XNDC1N: variants seen among roughly 807,000 people sequenced by gnomAD.
XNDC1N encodes protein XNDC1N.
the XNDC1N span, chr11:71,878,514 A>G: frequency 6.2e-7 from 1 of 1,609,902 alleles, no homozygotes; most frequent in Non-Finnish European, 8.5e-7. Context: ...CCTCCAAGTA[A>G]GGCAGAAACT....
chr11:71,900,782 C>T, the XNDC1N span, among the ~76,000 whole-genome samples: 6 of 152,264 alleles, frequency 3.9e-5, no homozygotes, highest in Admixed American at 2.0e-4. Context: ...ATTTCATCTG[C>T]GTAGTCTCCA....
At chr11:71,923,228 C>T in the XNDC1N span, 3 of 697,312 alleles carry the variant, frequency 4.3e-6, no homozygotes, top group South Asian at 3.0e-5. Context: ...TGGGAGTTTC[C>T]TGAAAGTGGA....
chr11:71,884,687 T>A, the XNDC1N span: 1 of 1,284,288 alleles, frequency 7.8e-7, no homozygotes, highest in East Asian at 2.5e-5. Context: ...CAGGTGAAAA[T>A]GAATATAAAT....
chr11:71,922,992 T>G, the XNDC1N span, among the ~76,000 whole-genome samples: 1 of 152,240 alleles, frequency 6.6e-6, no homozygotes, highest in Non-Finnish European at 1.5e-5. Flanking sequence ...CTGTTCTAAA[T>G]GATAGAATGA....
the XNDC1N span, among the ~76,000 whole-genome samples, chr11:71,901,462 A>C: frequency 6.6e-6 from 1 of 151,882 alleles, no homozygotes; most frequent in South Asian, 2.1e-4. Context: ...AGCCAGCCGT[A>C]GTGGCGGGCG....
the XNDC1N span, among the ~76,000 whole-genome samples, chr11:71,905,424 C>T: frequency 2.0e-5 from 3 of 151,828 alleles, no homozygotes; most frequent in African/African-American, 4.8e-5. Flanking sequence ...TAACACCCCC[C>T]CTAGAATATT....
At chr11:71,886,196 C>A in the XNDC1N span, among the ~76,000 whole-genome samples, 1 of 152,068 alleles carries the variant, frequency 6.6e-6, no homozygotes, top group Non-Finnish European at 1.5e-5. Flanking sequence ...AAAAACAATA[C>A]ACCGTCCTAT....
At chr11:71,921,878 C>T in the XNDC1N span, among the ~76,000 whole-genome samples, 1 of 152,064 alleles carries the variant, frequency 6.6e-6, no homozygotes. Context: ...GTCTATGAAG[C>T]AGTTGGGCAT....
chr11:71,903,469 A>G, the XNDC1N span: 2 of 823,928 alleles, frequency 2.4e-6, no homozygotes, highest in African/African-American at 3.4e-5. Context: ...GTCATCTCCT[A>G]TGCAGGCTGC....
the XNDC1N span, among the ~76,000 whole-genome samples, chr11:71,912,705 A>T: frequency 6.6e-6 from 1 of 152,130 alleles, no homozygotes; most frequent in Non-Finnish European, 1.5e-5. Flanking sequence ...TTCATGTTTG[A>T]TATCATCCTC....
chr11:71,914,134 A>G, the XNDC1N span, among the ~76,000 whole-genome samples: 1 of 152,202 alleles, frequency 6.6e-6, no homozygotes, highest in Non-Finnish European at 1.5e-5. Flanking sequence ...TCAACTTTCA[A>G]GCATTGCTAT....
chr11:71,882,601 C>G, the XNDC1N span, among the ~76,000 whole-genome samples: 1 of 152,148 alleles, frequency 6.6e-6, no homozygotes, highest in Non-Finnish European at 1.5e-5. Flanking sequence ...CACCAGTAGT[C>G]CTACCTTACA....
the XNDC1N span, chr11:71,878,367 C>T: frequency 6.8e-7 from 1 of 1,470,664 alleles, no homozygotes; most frequent in Non-Finnish European, 9.3e-7. Flanking sequence ...CACTCAGCAA[C>T]TCACCTCTTC....
At chr11:71,928,211 C>T in the XNDC1N span, among the ~76,000 whole-genome samples, 4 of 152,150 alleles carry the variant, frequency 2.6e-5, no homozygotes, top group African/African-American at 4.8e-5. Context: ...CTGGAGGTCC[C>T]GCAAGGCTCT....
chr11:71,916,502 T>C, the XNDC1N span: 10 of 463,052 alleles, frequency 2.2e-5, no homozygotes, highest in Admixed American at 3.3e-5. Flanking sequence ...TTCCACACTA[T>C]TCTCAGCATG....
the XNDC1N span, among the ~76,000 whole-genome samples, chr11:71,894,652 T>C: frequency 6.6e-6 from 1 of 152,256 alleles, no homozygotes; most frequent in Non-Finnish European, 1.5e-5. Context: ...TTTTAGTTTC[T>C]GAGCAATAAC....
chr11:71,873,958 C>T, the XNDC1N span, among the ~76,000 whole-genome samples: 1 of 152,148 alleles, frequency 6.6e-6, no homozygotes, highest in Non-Finnish European at 1.5e-5. Flanking sequence ...GGGCTCTCTC[C>T]AGAGACACTA....
At chr11:71,879,262 T>C in the XNDC1N span, among the ~76,000 whole-genome samples, 1 of 146,046 alleles carries the variant, frequency 6.8e-6, no homozygotes, top group African/African-American at 2.4e-5. Context: ...TATCATTTAA[T>C]GTATATGGAA....
the XNDC1N span, among the ~76,000 whole-genome samples, chr11:71,927,156 G>A: frequency 2.3e-4 from 35 of 152,006 alleles, no homozygotes; most frequent in South Asian, 8.3e-4. Flanking sequence ...GTTGAGGTGG[G>A]AGAATTGCTT....
Sources: gnomAD v4.1 joint callset for allele counts (sites outside exome capture counted in the v4.1 genomes callset) on GRCh38, gnomAD v4.1.1 for gene constraint, MANE v1.5 for transcripts, NCBI Gene and HGNC (gene_info 2026-07-23, HGNC 2026-07-21) for gene names.